MYO5B: variants seen among roughly 807,000 people sequenced by gnomAD.
MYO5B encodes the protein unconventional myosin-Vb.
MYO5B carries 143 observed loss-of-function variants against 229.3 expected under a neutral mutation model. That is an observed-to-expected ratio of 0.62 (90% CI 0.54 to 0.72). The LOEUF is 0.72. Among genes scored for constraint, MYO5B ranks in the 30% least tolerant of loss-of-function variants. The probability of loss-of-function intolerance (pLI) is 0.00; values close to 1 mark genes in which losing one functional copy is unlikely to be tolerated. For synonymous variants in MYO5B, 918 were observed against 885.2 expected, an observed-to-expected ratio of 1.04 and a Z score of -0.66; for missense variants, 2,321 against 2,331.0, an observed-to-expected ratio of 1.00 and a Z score of 0.09.
intron 17 of MYO5B, among the ~76,000 whole-genome samples, chr18:49,923,977 G>T (rs2025102902): frequency 6.6e-6 from 1 of 152,134 alleles, no homozygotes; most frequent in South Asian, 2.1e-4. Context: ...GCACTGTACA[G>T]CACAGGATGG....
chr18:50,005,991 T>A (rs78846740), intron 4 of MYO5B, among the ~76,000 whole-genome samples: 1 of 152,180 alleles, frequency 6.6e-6, no homozygotes, highest in Non-Finnish European at 1.5e-5. Flanking sequence ...ATATTTCGCC[T>A]TCTTTTGAAG....
chr18:50,174,955 G>A (rs1202440271), intron 1 of MYO5B, among the ~76,000 whole-genome samples: 1 of 152,220 alleles, frequency 6.6e-6, no homozygotes, highest in African/African-American at 2.4e-5. Flanking sequence ...GATGGCTGGA[G>A]GAGTCTGAGG....
intron 4 of MYO5B, among the ~76,000 whole-genome samples, chr18:50,021,727 A>AAC (rs2026277400): frequency 6.6e-6 from 1 of 151,374 alleles, no homozygotes; most frequent in African/African-American, 2.4e-5. Context: ...GTAAAAAAAA[A>AAC]AAAAAAAAAA....
chr18:50,068,019 A>G (rs2030864688), intron 1 of MYO5B, among the ~76,000 whole-genome samples: 1 of 136,830 alleles, frequency 7.3e-6, no homozygotes, highest in African/African-American at 2.6e-5. Context: ...ACACACACGT[A>G]CATACATATA....
chr18:49,930,079 G>C (rs1358476818), intron 16 of MYO5B, among the ~76,000 whole-genome samples: 1 of 152,192 alleles, frequency 6.6e-6, no homozygotes, highest in African/African-American at 2.4e-5. Flanking sequence ...TCACTTACCA[G>C]CTGGGTGTCT....
rs76746970 is a variant in MYO5B at position 50,140,506 on chromosome 18, T to C, written c.27+54261A>G. ...ATGGTCCTGAAGTTGGAAGAATGAG[T>C]TGTGTATTTATTCCACACCCGCTAT... On this transcript the variant is annotated intron_variant, in intron 1 of 39. Coordinates refer to ENST00000285039, the MANE Select transcript of MYO5B (RefSeq NM_001080467.3). 3.3e-3 allele frequency among the ~76,000 whole-genome samples: 504 copies of C among 152,278 alleles called. 11 individuals carry two copies. The East Asian group carries it at 0.082, about 25-fold the overall frequency.
At chr18:50,176,378 CT>C (rs956393019) in intron 1 of MYO5B, among the ~76,000 whole-genome samples, 1 of 152,204 alleles carries the variant, frequency 6.6e-6, no homozygotes, top group East Asian at 1.9e-4. Flanking sequence ...GTTCACACAA[CT>C]GAAGTTATTT....
At position 49,968,303 on chromosome 18, in the gene MYO5B, G is replaced by A. The variant is rs117840724; in HGVS notation, c.1323-5273C>T. Reference sequence around the variant, plus strand: ...GGGAGGAAAAGAGTTTTTACTTTCTGCAACCAGTTACAGGGAGAAGGCCTG... The same window carrying A: ...GGGAGGAAAAGAGTTTTTACTTTCTACAACCAGTTACAGGGAGAAGGCCTG... On this transcript the variant is annotated intron_variant, in intron 10 of 39. Transcript: ENST00000285039. Among the ~76,000 whole-genome samples the A allele has an allele frequency of 8.8e-3, 1,336 of 152,256 alleles. 11 individuals are homozygous for A. Among genetic ancestry groups the A allele is most frequent in the Non-Finnish European group, 0.016 (1,058 of 68,030 alleles).
At position 49,904,724 on chromosome 18, in the gene MYO5B, A is replaced by G; in HGVS notation, c.2519T>C (p.Val840Ala). The G allele has an allele frequency of 6.2e-7, 1 of 1,614,070 alleles. No homozygotes were observed. ...QAYQRVRRAA[V>A]VIQAFTRAMF... The stretch of plus-strand genomic sequence containing the variant: ...GGCCCGGGTGAAGGCCTGGATAACA[A>G]CGGCAGCTCTGCGGACCCTCTGGTA... The change falls in exon 20 of 40, where the codon GTT becomes GCT. Residue 840 changes from valine (V) to alanine (A), a missense_variant. Around this residue, in one of 2 missense-constraint regions of MYO5B, gnomAD observed 2,113 missense variants for 2,044.7 expected, o/e 1.03. Transcript: ENST00000285039.
intron 29 of MYO5B, among the ~76,000 whole-genome samples, chr18:49,862,223 C>T (rs1439081496): frequency 1.3e-5 from 2 of 152,134 alleles, no homozygotes; most frequent in Non-Finnish European, 2.9e-5. Flanking sequence ...GTCTCAAACT[C>T]CTGACCTCAG....
chr18:50,103,999 T>TAAAA (rs34686037), intron 1 of MYO5B, among the ~76,000 whole-genome samples: 5 of 131,876 alleles, frequency 3.8e-5, no homozygotes, highest in African/African-American at 1.4e-4. Context: ...CCATCTCCAT[T>TAAAA]AAAAAAAAAA....
rs544676022 is a variant in MYO5B, at chr18:50,180,930, C to T, written c.27+13837G>A. Among the ~76,000 whole-genome samples the T allele has an allele frequency of 5.3e-5, 8 of 152,318 alleles. No individual in the cohort carries two copies. In the South Asian group the frequency reaches 1.5e-3, roughly 28 times the overall value. ...TCCATTCATCATTCCTTGGAATAGT[C>T]AAAAGGGTGCTCCCTGCTTTTGACA... On this transcript the variant is annotated intron_variant, in intron 1 of 39. Transcript: ENST00000285039.
chr18:50,099,790 CT>C (rs1417545981), intron 1 of MYO5B, among the ~76,000 whole-genome samples: 2 of 152,194 alleles, frequency 1.3e-5, no homozygotes, highest in Admixed American at 1.3e-4. Context: ...TATGTTCCCC[CT>C]GTAAAGCCAA....
chr18:49,908,191 T>G (rs1350569365), intron 18 of MYO5B, among the ~76,000 whole-genome samples: 3 of 152,182 alleles, frequency 2.0e-5, no homozygotes, highest in Non-Finnish European at 4.4e-5. Flanking sequence ...GCAAGGCCAC[T>G]TTTTCTGAAC....
intron 17 of MYO5B, among the ~76,000 whole-genome samples, chr18:49,923,642 G>A (rs2025098880): frequency 6.6e-6 from 1 of 152,172 alleles, no homozygotes; most frequent in Admixed American, 6.5e-5. Flanking sequence ...CTCTGCCTGA[G>A]CATGGTCTAT....
chr18:49,839,240 C>A lies in MYO5B; in HGVS notation c.4756G>T (p.Asp1586Tyr). The change falls in exon 36 of 40, where the codon GAC becomes TAC. Residue 1586 changes from aspartate (D) to tyrosine (Y), a missense_variant. Physicochemically the swap from Asp to Tyr is radical, Grantham distance 160. Transcript: ENST00000285039. ...KQNEHCLKNFDLTEYRQVLSD... is the reference protein window; with the variant it reads ...KQNEHCLKNFYLTEYRQVLSD... ...AGCACCTGACGGTATTCGGTGAGGTCAAAATTCTTAAGACAGTGTTCATTC... is the reference window on the plus strand; with the variant it reads ...AGCACCTGACGGTATTCGGTGAGGTAAAAATTCTTAAGACAGTGTTCATTC... The A allele has an allele frequency of 6.2e-7, 1 of 1,614,106 alleles. No individual in the cohort carries two copies. Among genetic ancestry groups the A allele is most frequent in the Non-Finnish European group, 8.5e-7 (1 of 1,180,010 alleles).
intron 1 of MYO5B, among the ~76,000 whole-genome samples, chr18:50,143,776 A>G (rs1568123055): frequency 6.6e-6 from 1 of 152,188 alleles, no homozygotes; most frequent in Non-Finnish European, 1.5e-5. Context: ...AGAAGGTCAG[A>G]ACATGGCGTG....
In MYO5B at chr18:49,905,734, C is replaced by T. The variant is rs568151279; in HGVS notation, c.2414+685G>A. 7.9e-5 allele frequency among the ~76,000 whole-genome samples: 12 copies of T among 152,262 alleles called. No homozygotes were observed. The South Asian group carries it at 1.0e-3, about 13-fold the overall frequency. ...AGGCCTGGGCTCAAAACCTAACAACCGAGGGTAGGGTCAGAGGGCAGGCTG... is the reference window on the plus strand; with the variant it reads ...AGGCCTGGGCTCAAAACCTAACAACTGAGGGTAGGGTCAGAGGGCAGGCTG... On this transcript the variant is annotated intron_variant, in intron 19 of 39. Transcript: ENST00000285039.
intron 21 of MYO5B, among the ~76,000 whole-genome samples, chr18:49,900,091 T>C (rs544410263): frequency 6.6e-6 from 1 of 152,354 alleles, no homozygotes; most frequent in South Asian, 2.1e-4. Flanking sequence ...GGAGCCAGCA[T>C]GTACACAGGG....
Sources: allele counts gnomAD v4.1 joint callset (sites outside exome capture counted in the v4.1 genomes callset), GRCh38; gene constraint gnomAD v4.1.1; regional missense constraint gnomAD v4.1.1; transcripts MANE v1.5; gene names NCBI Gene and HGNC (gene_info 2026-07-23, HGNC 2026-07-21).